Variants in DCAF8L2 observed in about 807,000 individuals in gnomAD.
The protein encoded by DCAF8L2 is DDB1 and CUL4 associated factor 8 like 2, also known as DDB1- and CUL4-associated factor 8-like protein 2.
For missense variants in DCAF8L2, 430 were observed against 490.7 expected, an observed-to-expected ratio of 0.88 and a Z score of 1.17; for synonymous variants, 200 against 190.9, an observed-to-expected ratio of 1.05 and a Z score of -0.39.
chrX:27,525,395 C>T, the DCAF8L2 span, among the ~76,000 whole-genome samples: 1 of 111,623 alleles, frequency 9.0e-6, no homozygotes, highest in South Asian at 3.8e-4. Flanking sequence ...AGATCTTCCT[C>T]CATCCCTTTA....
intron 2 of DCAF8L2, among the ~76,000 whole-genome samples, chrX:27,666,647 T>C (rs1313010740): frequency 1.8e-5 from 2 of 112,468 alleles, no homozygotes; most frequent in Non-Finnish European, 3.8e-5. Context: ...ATTGAAAGAT[T>C]ATAATTTTTT....
chrX:27,608,368 C>A (rs1258984570), intron 1 of DCAF8L2, among the ~76,000 whole-genome samples: 1 of 111,386 alleles, frequency 9.0e-6, no homozygotes, highest in Admixed American at 9.6e-5. Context: ...ATCATGTAGA[C>A]TTTGATGTCG....
the DCAF8L2 span, among the ~76,000 whole-genome samples, chrX:27,515,669 CA>C: frequency 8.9e-6 from 1 of 112,453 alleles, no homozygotes; most frequent in South Asian, 3.6e-4. Context: ...AGATCATAAA[CA>C]GCAAAATATA....
the DCAF8L2 span, among the ~76,000 whole-genome samples, chrX:27,484,341 C>A: frequency 3.6e-5 from 4 of 111,472 alleles, no homozygotes; most frequent in Admixed American, 9.6e-5. Context: ...CAGTGATTCA[C>A]AAATCCTTTT....
chrX:27,563,451 T>C, the DCAF8L2 span, among the ~76,000 whole-genome samples: 893 of 112,148 alleles, frequency 8.0e-3, 7 homozygotes, highest in African/African-American at 0.027. Context: ...GGGGGGACCA[T>C]AGACATATTT....
At chrX:27,668,959 C>T (rs752674934) in intron 2 of DCAF8L2, among the ~76,000 whole-genome samples, 103 of 109,441 alleles carry the variant, frequency 9.4e-4, no homozygotes, top group African/African-American at 3.1e-3. Flanking sequence ...AAGAATTCTA[C>T]AGCCAGAGGG....
chrX:27,570,769 C>T, the DCAF8L2 span, among the ~76,000 whole-genome samples: 1 of 111,906 alleles, frequency 8.9e-6, no homozygotes, highest in Non-Finnish European at 1.9e-5. Flanking sequence ...TTCTCTGTTA[C>T]TTTTAAATAT....
chrX:27,530,527 T>C, the DCAF8L2 span, among the ~76,000 whole-genome samples: 1 of 111,029 alleles, frequency 9.0e-6, no homozygotes, highest in Non-Finnish European at 1.9e-5. Context: ...CGTCATCTGG[T>C]GTAGTGGAGA....
chrX:27,594,849 A>T (rs774013301), intron 1 of DCAF8L2, among the ~76,000 whole-genome samples: 1 of 112,056 alleles, frequency 8.9e-6, no homozygotes, highest in African/African-American at 3.2e-5. Flanking sequence ...CTATACTTAC[A>T]ATTATGACTA....
chrX:27,575,513 G>C, the DCAF8L2 span, among the ~76,000 whole-genome samples: 1 of 111,029 alleles, frequency 9.0e-6, no homozygotes, highest in Admixed American at 9.6e-5. Flanking sequence ...TCACTTAAAG[G>C]GACCACACTC....
intron 1 of DCAF8L2, among the ~76,000 whole-genome samples, chrX:27,606,079 CT>C (rs771706520): frequency 0.019 from 1,793 of 94,831 alleles, 34 homozygotes; most frequent in African/African-American, 0.061. Flanking sequence ...AGACAGTGCA[CT>C]TTTTTTTTTT....
At chrX:27,550,882 AT>A in the DCAF8L2 span, among the ~76,000 whole-genome samples, 14 of 110,439 alleles carry the variant, frequency 1.3e-4, no homozygotes, top group African/African-American at 4.6e-4. Context: ...TATTGGAGCC[AT>A]TTTTCCAATA....
At chrX:27,627,024 T>C (rs1157099145) in intron 1 of DCAF8L2, among the ~76,000 whole-genome samples, 1 of 108,080 alleles carries the variant, frequency 9.3e-6, no homozygotes, top group Non-Finnish European at 1.9e-5. Context: ...AAAGAATTGA[T>C]TTCTAATTCT....
At chrX:27,729,008 C>T (rs1663935433) in intron 4 of DCAF8L2, among the ~76,000 whole-genome samples, 2 of 111,522 alleles carry the variant, frequency 1.8e-5, no homozygotes, top group Admixed American at 9.6e-5. Context: ...GAGGAAAGGA[C>T]ATCCCTCCAC....
chrX:27,675,269 G>T (rs187009028), intron 2 of DCAF8L2, among the ~76,000 whole-genome samples: 2 of 111,199 alleles, frequency 1.8e-5, no homozygotes, highest in East Asian at 5.7e-4. Flanking sequence ...TGTCACAATG[G>T]TTGCTTGACT....
At chrX:27,640,159 A>C (rs1928658572) in intron 2 of DCAF8L2, among the ~76,000 whole-genome samples, 1 of 111,631 alleles carries the variant, frequency 9.0e-6, no homozygotes, top group Non-Finnish European at 1.9e-5. Context: ...TCAGCAAACT[A>C]TCGCAAGGAC....
rs1931692976 is a variant in DCAF8L2, at chrX:27,716,110, C to T, written c.-120C>T. 8.9e-6 allele frequency: 1 copy of T among 111,937 alleles called. No homozygotes were observed. The highest frequency in any genetic ancestry group is 1.9e-5 in the Non-Finnish European group (1 of 53,235). 9.2% of individuals were successfully genotyped at this position (111,937 alleles called of 1,213,427 possible). A position where few individuals can be genotyped will look rare whatever the true frequency, so the allele number is the denominator to read the frequency against. ...TAGGAAGCTGCACTGTTGCAGAGGT[C>T]CATTAACTCTTTCAGGACGGTGTGG... On this transcript the variant is annotated 5_prime_UTR_variant, in exon 4 of 5. Transcript: ENST00000451261.
chrX:27,470,036 G>A, the DCAF8L2 span, among the ~76,000 whole-genome samples: 1 of 111,714 alleles, frequency 9.0e-6, no homozygotes, highest in Non-Finnish European at 1.9e-5. Context: ...CCAAAGTGCT[G>A]GGATTACAGG....
At chrX:27,708,752 C>G (rs1234610827) in intron 3 of DCAF8L2, among the ~76,000 whole-genome samples, 1 of 112,061 alleles carries the variant, frequency 8.9e-6, no homozygotes, top group African/African-American at 3.2e-5. Context: ...GTATCTTCCC[C>G]TTCTCCTCAA....
Sources: allele counts gnomAD v4.1 joint callset (sites outside exome capture counted in the v4.1 genomes callset), GRCh38; gene constraint gnomAD v4.1.1; transcripts MANE v1.5; gene names NCBI Gene and HGNC (gene_info 2026-07-23, HGNC 2026-07-21).